Variants in AK9 observed in about 807,000 individuals in gnomAD.
AK9 encodes the protein adenylate kinase domain containing 1.
In AK9, 191 loss-of-function variants were observed where a neutral mutation model predicts 239.6. The observed-to-expected ratio is 0.80, with a 90% confidence interval of 0.71 to 0.90. The LOEUF (loss-of-function observed/expected upper bound fraction) is 0.90. Ranked by LOEUF, AK9 falls within the 40% of genes least tolerant of loss-of-function variation. The pLI, the probability that AK9 is intolerant of heterozygous loss-of-function variation, is 0.00. For synonymous variants in AK9, 689 were observed against 721.0 expected, an observed-to-expected ratio of 0.96 and a Z score of 0.71; for missense variants, 1,995 against 2,214.7, an observed-to-expected ratio of 0.90 and a Z score of 1.99.
At chr6:109,613,373 A>G (rs879319856) in intron 15 of AK9, among the ~76,000 whole-genome samples, 1 of 152,100 alleles carries the variant, frequency 6.6e-6, no homozygotes, top group East Asian at 1.9e-4. Context: ...CACCTCAAAA[A>G]AGAAGAAATA....
At chr6:109,636,021 T>G (rs1356381331) in intron 10 of AK9, among the ~76,000 whole-genome samples, 1 of 152,204 alleles carries the variant, frequency 6.6e-6, no homozygotes, top group African/African-American at 2.4e-5. Context: ...TTGTTGCTCC[T>G]TTTTTAATAT....
At chr6:109,678,250 T>G (rs558284204) in intron 1 of AK9, among the ~76,000 whole-genome samples, 9 of 152,348 alleles carry the variant, frequency 5.9e-5, no homozygotes, top group Admixed American at 5.9e-4. Context: ...AAACTATTGA[T>G]ACATGCAGCA....
intron 12 of AK9, among the ~76,000 whole-genome samples, chr6:109,627,678 CAG>C (rs1795705103): frequency 1.3e-5 from 2 of 151,862 alleles, no homozygotes; most frequent in Admixed American, 1.3e-4. Context: ...TTTTTTGAGA[CAG>C]AGTCTCTCCT....
At chr6:109,674,135 T>C (rs1562595465) in intron 3 of AK9, 63 bp downstream of exon 3, 4 of 1,346,040 alleles carry the variant, frequency 3.0e-6, no homozygotes, top group African/African-American at 1.5e-5. Context: ...TATAATTATC[T>C]CCATTTTATG....
chr6:109,555,732 T>C (rs1485185864), intron 24 of AK9, among the ~76,000 whole-genome samples: 1 of 152,222 alleles, frequency 6.6e-6, no homozygotes, highest in East Asian at 1.9e-4. Flanking sequence ...TAGCTCTTCT[T>C]GTTGAATTGT....
At chr6:109,659,082 G>T in intron 7 of AK9, 146 bp downstream of exon 7, 4 of 1,128,998 alleles carry the variant, frequency 3.5e-6, no homozygotes, top group Non-Finnish European at 4.7e-6. Context: ...AAACATGAAA[G>T]ATTTTTGCTT....
chr6:109,640,572 C>G (rs374314795), intron 10 of AK9, among the ~76,000 whole-genome samples: 6,480 of 112,478 alleles, frequency 0.058, 176 homozygotes, highest in South Asian at 0.16. Flanking sequence ...TGGAACTCCA[C>G]CCCAATTTTT....
At chr6:109,645,114 T>C (rs765836412) in intron 8 of AK9, among the ~76,000 whole-genome samples, 13 of 152,126 alleles carry the variant, frequency 8.5e-5, no homozygotes, top group African/African-American at 2.2e-4. Context: ...ATAGGAACAG[T>C]TCCGGTCTAC....
intron 25 of AK9, among the ~76,000 whole-genome samples, chr6:109,548,187 C>T (rs57996937): frequency 0.029 from 4,426 of 152,018 alleles, 101 homozygotes; most frequent in East Asian, 0.11. Flanking sequence ...GAGGGGTCTT[C>T]GAAAAGTTGA....
At chr6:109,659,527 G>C in intron 6 of AK9, 114 bp from the exon 7 acceptor site, 1 of 1,300,574 alleles carries the variant, frequency 7.7e-7, no homozygotes, top group Admixed American at 3.5e-5. Flanking sequence ...TTTAAAACCT[G>C]AGCAAATGCA....
At chr6:109,628,519 T>C (rs1230515970) in intron 12 of AK9, among the ~76,000 whole-genome samples, 1 of 152,106 alleles carries the variant, frequency 6.6e-6, no homozygotes, top group Non-Finnish European at 1.5e-5. Context: ...AGGGATCACG[T>C]TAGGAGGGTT....
At chr6:109,540,115 T>C (rs542445615) in intron 27 of AK9, among the ~76,000 whole-genome samples, 1 of 151,776 alleles carries the variant, frequency 6.6e-6, no homozygotes, top group African/African-American at 2.4e-5. Context: ...GGAGAACCAC[T>C]ACTCTCTTCA....
chr6:109,538,743 C>T (rs527408237), intron 27 of AK9, among the ~76,000 whole-genome samples: 13 of 152,212 alleles, frequency 8.5e-5, no homozygotes, highest in South Asian at 2.1e-4. Flanking sequence ...TGGCTGGTAC[C>T]GGTTGTTCCT....
rs950284216 is a variant in AK9 at position 109,639,286 on chromosome 6, T to C, written c.933+2232A>G. 5.9e-5 allele frequency among the ~76,000 whole-genome samples: 9 copies of C among 152,378 alleles called. No homozygotes were observed. In the East Asian group the frequency reaches 1.7e-3, roughly 29 times the overall value. On this transcript the variant is annotated intron_variant, in intron 10 of 40. Transcript: ENST00000424296. ...CCCACCAACGGTGTAAAAGTGTTCC[T>C]ATTTCTCCACATCTTCTCCAGCATC... is the stretch of plus-strand genomic sequence containing the variant.
rs769444836 is a variant in AK9 at position 109,633,253 on chromosome 6, C to T, written c.1004G>A (p.Trp335Ter). The part of the protein sequence containing the change: ...APRYRWQRSK[W>*]GRTCPVNLKD... ...TAAATTCACAGGACATGTACGTCCC[C>T]ATTTACTTCTTTGCCATCTGTATCT... Residue 335 changes from tryptophan (W) to a stop codon, truncating the protein, a stop_gained, in exon 11 of 41, where the codon TGG becomes TAG. Transcript: ENST00000424296. LOFTEE classifies it high-confidence loss of function. 2 of 1,609,858 alleles carry T rather than the reference C, an allele frequency of 1.2e-6. No individual in the cohort carries two copies.
chr6:109,671,840 C>A, intron 5 of AK9, 79 bp downstream of exon 5: 1 of 1,315,354 alleles, frequency 7.6e-7, no homozygotes. Context: ...AGGGCAACTC[C>A]AGAAACTATT....
intron 17 of AK9, among the ~76,000 whole-genome samples, chr6:109,594,880 A>T (rs1179485730): frequency 6.6e-6 from 1 of 152,228 alleles, no homozygotes; most frequent in East Asian, 1.9e-4. Flanking sequence ...AAAGACTTAA[A>T]CATGAGATCT....
intron 21 of AK9, among the ~76,000 whole-genome samples, chr6:109,566,590 C>A (rs1216171431): frequency 6.6e-6 from 1 of 151,960 alleles, no homozygotes; most frequent in African/African-American, 2.4e-5. Context: ...GAAAACAATG[C>A]AAGGAAATCT....
At chr6:109,506,902 G>A (rs915907510) in intron 33 of AK9, 102 bp from the exon 34 acceptor site, 87 of 1,398,306 alleles carry the variant, frequency 6.2e-5, no homozygotes, top group Non-Finnish European at 7.9e-5. Context: ...AGTAGCTCAT[G>A]ATTTTCCTTA....
Sources: allele counts gnomAD v4.1 joint callset (sites outside exome capture counted in the v4.1 genomes callset), GRCh38; gene constraint gnomAD v4.1.1; transcripts MANE v1.5; gene names NCBI Gene and HGNC (gene_info 2026-07-23, HGNC 2026-07-21).